GRID1: variants seen among roughly 807,000 people sequenced by gnomAD.
GRID1 encodes glutamate ionotropic receptor delta type subunit 1, also known as glutamate receptor ionotropic, delta-1.
GRID1 carries 28 observed loss-of-function variants against 98.0 expected under a neutral mutation model. That is an observed-to-expected ratio of 0.29 (90% CI 0.21 to 0.39). GRID1 has a LOEUF of 0.39. Ranked by LOEUF, GRID1 falls within the 10% of genes least tolerant of loss-of-function variation. The probability of loss-of-function intolerance (pLI) is 1.00; values close to 1 mark genes in which losing one functional copy is unlikely to be tolerated. For missense variants in GRID1, 1,111 were observed against 1,340.5 expected (o/e 0.83, Z 2.67); for synonymous variants, 553 against 538.5 (o/e 1.03, Z -0.37).
chr10:85,732,813 C>G (rs1466513810), intron 8 of GRID1, among the ~76,000 whole-genome samples: 1 of 152,130 alleles, frequency 6.6e-6, no homozygotes, highest in Non-Finnish European at 1.5e-5. Flanking sequence ...AAAGAAAAGC[C>G]TTCCTCATCC....
At chr10:86,006,234 A>G (rs1046031411) in intron 4 of GRID1, among the ~76,000 whole-genome samples, 5 of 152,256 alleles carry the variant, frequency 3.3e-5, no homozygotes, top group African/African-American at 4.8e-5. Context: ...AATAAATAGG[A>G]TAAGAAAATA....
At chr10:85,948,430 T>G (rs1219209761) in intron 4 of GRID1, among the ~76,000 whole-genome samples, 1 of 152,236 alleles carries the variant, frequency 6.6e-6, no homozygotes, top group Admixed American at 6.5e-5. Context: ...ATTTCCCAAC[T>G]TAGAAGATGT....
intron 8 of GRID1, among the ~76,000 whole-genome samples, chr10:85,813,057 G>A (rs2131745623): frequency 6.6e-6 from 1 of 151,672 alleles, no homozygotes; most frequent in Middle Eastern, 3.4e-3. Flanking sequence ...AAAAGAAGGG[G>A]GAAAAGATTG....
chr10:85,770,217 G>C (rs1024809346), intron 8 of GRID1, among the ~76,000 whole-genome samples: 4 of 152,112 alleles, frequency 2.6e-5, no homozygotes, highest in Non-Finnish European at 5.9e-5. Flanking sequence ...AGGCAAACAG[G>C]GTCTGGAGTG....
chr10:85,635,475 C>T (rs1843028694), intron 13 of GRID1, among the ~76,000 whole-genome samples: 1 of 152,170 alleles, frequency 6.6e-6, no homozygotes, highest in Non-Finnish European at 1.5e-5. Flanking sequence ...GCTGCTCACT[C>T]ATGTTTAAGA....
intron 8 of GRID1, among the ~76,000 whole-genome samples, chr10:85,780,906 C>T (rs139506031): frequency 1.3e-5 from 2 of 152,324 alleles, no homozygotes; most frequent in East Asian, 1.9e-4. Context: ...TATAATTGCA[C>T]AAGTGTGGTC....
chr10:86,171,698 T>G (rs1442441479), intron 3 of GRID1, among the ~76,000 whole-genome samples: 1 of 152,246 alleles, frequency 6.6e-6, no homozygotes, highest in African/African-American at 2.4e-5. Flanking sequence ...TGGAGCAATA[T>G]GAATAATCTA....
At chr10:86,293,789 C>T (rs530910499) in intron 2 of GRID1, among the ~76,000 whole-genome samples, 1 of 151,894 alleles carries the variant, frequency 6.6e-6, no homozygotes, top group East Asian at 1.9e-4. Flanking sequence ...TCATTCACCA[C>T]TCATTCCTCC....
At chr10:85,768,393 C>T (rs908323262) in intron 8 of GRID1, among the ~76,000 whole-genome samples, 31 of 130,676 alleles carry the variant, frequency 2.4e-4, no homozygotes, top group African/African-American at 7.4e-4. Flanking sequence ...AATTGGACTA[C>T]GTGAAAACCT....
chr10:85,692,729 T>G (rs908153504), intron 12 of GRID1, among the ~76,000 whole-genome samples: 44 of 150,598 alleles, frequency 2.9e-4, no homozygotes, highest in Non-Finnish European at 4.4e-5. Flanking sequence ...TAGTCAAATT[T>G]CCAATTAAAG....
At chr10:86,066,446 C>T (rs1355179440) in intron 4 of GRID1, among the ~76,000 whole-genome samples, 3 of 152,182 alleles carry the variant, frequency 2.0e-5, no homozygotes, top group Admixed American at 2.0e-4. Flanking sequence ...AGAGGACACT[C>T]ATCCCCATTT....
intron 4 of GRID1, among the ~76,000 whole-genome samples, chr10:86,045,045 G>A (rs979705498): frequency 1.2e-4 from 19 of 152,210 alleles, no homozygotes; most frequent in Admixed American, 2.0e-4. Context: ...TTGCTCCGGC[G>A]CAGCCTGCAA....
At chr10:86,225,975 A>ATTTTCTACAGAGCTGGGGGC (rs1397249059) in intron 2 of GRID1, among the ~76,000 whole-genome samples, 3 of 151,996 alleles carry the variant, frequency 2.0e-5, no homozygotes, top group African/African-American at 7.3e-5. Context: ...ATGGGGACCC[A>ATTTTCTACAGAGCTGGGGGC]CTCATTGGGG....
rs553962945 is a variant in GRID1, at chr10:85,944,808, G to A, written c.727-28569C>T. On this transcript the variant is annotated intron_variant, in intron 4 of 15. Coordinates refer to ENST00000327946, the MANE Select transcript of GRID1 (RefSeq NM_017551.3). ...TTTACTAATTTGGAAAGATGAATGT[G>A]ATTTACTGTAGAGTTTTTTTTTTAA... Among the ~76,000 whole-genome samples, 4 of 143,486 alleles carry A rather than the reference G, an allele frequency of 2.8e-5. No homozygotes were observed. The South Asian group carries it at 9.1e-4, about 33-fold the overall frequency. 94.1% of individuals were successfully genotyped at this position (143,486 alleles called of 152,430 possible).
chr10:85,856,054 C>A lies in GRID1; in HGVS notation c.1088G>T (p.Arg363Met). 6.2e-7 allele frequency: 1 copy of A among 1,614,080 alleles called. No individual in the cohort carries two copies. The highest frequency in any genetic ancestry group is 8.5e-7 in the Non-Finnish European group (1 of 1,179,998). The change falls in exon 7 of 16, where the codon AGG becomes ATG. Residue 363 changes from arginine to methionine, a missense_variant. By Grantham distance (91) the Arg-to-Met change is moderately conservative (BLOSUM62 -1). Coordinates refer to ENST00000327946, the MANE Select transcript of GRID1 (RefSeq NM_017551.3). ...RKSTKPWNGG[R>M]SMLDTIKKGH... ...CTTTTTGATGGTATCCAGCATGGAC[C>A]TCCCACCATTCCATGGCTTAGTGGA...
At chr10:85,953,911 T>A (rs1842156198) in intron 4 of GRID1, among the ~76,000 whole-genome samples, 2 of 152,166 alleles carry the variant, frequency 1.3e-5, no homozygotes, top group African/African-American at 4.8e-5. Context: ...CCCCTAAGCC[T>A]CATTACCTCT....
chr10:86,344,919 G>A (rs913574785), intron 2 of GRID1, among the ~76,000 whole-genome samples: 10 of 152,224 alleles, frequency 6.6e-5, no homozygotes, highest in Non-Finnish European at 1.5e-4. Flanking sequence ...GCAGCACCGG[G>A]TCCCTCTGAC....
At chr10:85,711,502 T>C (rs1180227193) in intron 12 of GRID1, among the ~76,000 whole-genome samples, 2 of 151,922 alleles carry the variant, frequency 1.3e-5, no homozygotes, top group African/African-American at 2.4e-5. Flanking sequence ...CTTTCATAGG[T>C]ACAGATTATT....
rs186682019 is a variant in GRID1, at chr10:85,877,452, C to T, written c.781-8272G>A. Among the ~76,000 whole-genome samples the T allele has an allele frequency of 5.8e-3, 890 of 152,262 alleles. 5 individuals are homozygous for T. The highest frequency in any genetic ancestry group is 0.02 in the African/African-American group (839 of 41,554). On this transcript the variant is annotated intron_variant, in intron 5 of 15. Transcript: ENST00000327946. ...GCAGCATTTGCGGGTCACCAAAATCCACTGTTCTACAGCCACCGCTGTTCT... is the reference window on the plus strand; with the variant it reads ...GCAGCATTTGCGGGTCACCAAAATCTACTGTTCTACAGCCACCGCTGTTCT...
Sources: gnomAD v4.1 joint callset for allele counts (sites outside exome capture counted in the v4.1 genomes callset) on GRCh38, gnomAD v4.1.1 for gene constraint, MANE v1.5 for transcripts, NCBI Gene and HGNC (gene_info 2026-07-23, HGNC 2026-07-21) for gene names.